The following FAM110B variants were observed in gnomAD, a reference collection of about 807,000 sequenced individuals.
FAM110B encodes protein FAM110B.
A neutral mutation model predicts 20.4 loss-of-function variants in FAM110B; 6 were observed. That is an observed-to-expected ratio of 0.29 (90% confidence interval 0.16 to 0.58). FAM110B has a LOEUF of 0.58. Among genes scored for constraint, FAM110B ranks in the 20% least tolerant of loss-of-function variants. The probability of loss-of-function intolerance (pLI) is 0.90; values close to 1 mark genes in which losing one functional copy is unlikely to be tolerated. For missense variants in FAM110B, 434 were observed against 498.2 expected, an observed-to-expected ratio of 0.87 and a Z score of 1.23; for synonymous variants, 226 against 214.1, an observed-to-expected ratio of 1.06 and a Z score of -0.49.
chr8:58,011,182 A>G (rs1470031337), intron 1 of FAM110B, among the ~76,000 whole-genome samples: 1 of 152,178 alleles, frequency 6.6e-6, no homozygotes, highest in African/African-American at 2.4e-5. Context: ...CTCAACTAAG[A>G]AAGACCCTAA....
At chr8:58,089,086 T>G (rs2150602191) in intron 3 of FAM110B, among the ~76,000 whole-genome samples, 1 of 152,330 alleles carries the variant, frequency 6.6e-6, no homozygotes, top group South Asian at 2.1e-4. Context: ...ATGAATGGTT[T>G]TATTTCACAT....
At chr8:58,093,347 T>G (rs1806535541) in intron 3 of FAM110B, among the ~76,000 whole-genome samples, 1 of 152,224 alleles carries the variant, frequency 6.6e-6, no homozygotes, top group Admixed American at 6.5e-5. Flanking sequence ...TAAATGGTGT[T>G]GCCTAGGTTT....
chr8:58,013,137 T>C (rs1452916644), intron 1 of FAM110B, among the ~76,000 whole-genome samples: 1 of 152,206 alleles, frequency 6.6e-6, no homozygotes, highest in Non-Finnish European at 1.5e-5. Context: ...CTGTGTGATG[T>C]CTCTAGAACT....
chr8:58,137,778 C>T (rs1803653709), intron 3 of FAM110B, among the ~76,000 whole-genome samples: 1 of 152,148 alleles, frequency 6.6e-6, no homozygotes, highest in Admixed American at 6.5e-5. Flanking sequence ...AAGCATTTGC[C>T]CCACTGAATT....
At chr8:58,029,243 G>T (rs10091875) in intron 1 of FAM110B, among the ~76,000 whole-genome samples, 23,746 of 152,180 alleles carry the variant, frequency 0.16, 2,294 homozygotes, top group African/African-American at 0.26. Context: ...CCTATGTTTT[G>T]CTTGAGAGAC....
intron 3 of FAM110B, among the ~76,000 whole-genome samples, chr8:58,109,187 G>A (rs148924399): frequency 6.6e-6 from 1 of 152,110 alleles, no homozygotes; most frequent in Non-Finnish European, 1.5e-5. Flanking sequence ...CCCATCCCAA[G>A]CATCCCCATA....
At chr8:58,123,209 T>C (rs1020695885) in intron 3 of FAM110B, among the ~76,000 whole-genome samples, 2 of 152,114 alleles carry the variant, frequency 1.3e-5, no homozygotes, top group African/African-American at 4.8e-5. Flanking sequence ...ACTGCCATAT[T>C]AGGGTGGGGT....
intron 1 of FAM110B, among the ~76,000 whole-genome samples, chr8:58,011,982 G>A (rs995100409): frequency 2.6e-5 from 4 of 152,184 alleles, no homozygotes; most frequent in Non-Finnish European, 5.9e-5. Flanking sequence ...TCCAGAGATG[G>A]CCACACGACA....
intron 1 of FAM110B, among the ~76,000 whole-genome samples, chr8:58,018,304 AG>A (rs1804678246): frequency 6.6e-6 from 1 of 152,154 alleles, no homozygotes; most frequent in Non-Finnish European, 1.5e-5. Context: ...TAGAACTCTC[AG>A]GTCTTTATAA....
At chr8:58,103,627 ATAGT>A (rs948385905) in intron 3 of FAM110B, among the ~76,000 whole-genome samples, 3 of 152,178 alleles carry the variant, frequency 2.0e-5, no homozygotes, top group African/African-American at 4.8e-5. Flanking sequence ...GTAAGGTATA[ATAGT>A]TAGTCCTAAT....
intron 3 of FAM110B, among the ~76,000 whole-genome samples, chr8:58,085,411 G>A (rs1806306764): frequency 6.6e-6 from 1 of 152,228 alleles, no homozygotes; most frequent in Non-Finnish European, 1.5e-5. Context: ...CACTCGGGAG[G>A]CTGAGGCAGG....
At chr8:58,126,739 T>C (rs1807516519) in intron 3 of FAM110B, among the ~76,000 whole-genome samples, 1 of 152,212 alleles carries the variant, frequency 6.6e-6, no homozygotes, top group Non-Finnish European at 1.5e-5. Flanking sequence ...CATTTTCCAA[T>C]TGGATTGTTT....
intron 2 of FAM110B, among the ~76,000 whole-genome samples, chr8:58,034,371 G>A (rs147082161): frequency 2.0e-5 from 3 of 152,174 alleles, no homozygotes; most frequent in African/African-American, 7.2e-5. Flanking sequence ...TGACTTATGG[G>A]TCGGAAGGTC....
intron 3 of FAM110B, among the ~76,000 whole-genome samples, chr8:58,111,558 A>G (rs1380850914): frequency 6.6e-6 from 1 of 152,208 alleles, no homozygotes; most frequent in African/African-American, 2.4e-5. Context: ...TATGTGTATT[A>G]TAGTAGCTAA....
intron 1 of FAM110B, among the ~76,000 whole-genome samples, chr8:58,010,144 GTA>G (rs1470112160): frequency 1.3e-5 from 2 of 151,652 alleles, no homozygotes; most frequent in Admixed American, 1.3e-4. Context: ...AGCCTCCCGA[GTA>G]GCTGGGATTA....
chr8:58,083,224 A>T (rs890571385), intron 3 of FAM110B, among the ~76,000 whole-genome samples: 1 of 152,166 alleles, frequency 6.6e-6, no homozygotes, highest in South Asian at 2.1e-4. Context: ...GGGGAGACAC[A>T]GTCTATTGCT....
chr8:58,099,811 A>G (rs1806733206), intron 3 of FAM110B, among the ~76,000 whole-genome samples: 1 of 152,012 alleles, frequency 6.6e-6, no homozygotes, highest in South Asian at 2.1e-4. Context: ...TGCATTTTCT[A>G]CTATGTGGCC....
At chr8:58,002,339 C>T (rs993037937) in intron 1 of FAM110B, among the ~76,000 whole-genome samples, 1 of 152,170 alleles carries the variant, frequency 6.6e-6, no homozygotes, top group African/African-American at 2.4e-5. Flanking sequence ...GTATACTTCC[C>T]AAGTTGGTTT....
At position 58,069,758 on chromosome 8, in the gene FAM110B, G is replaced by C. The variant is rs146513981; in HGVS notation, c.-413-5777G>C. ...CAAATTGTTAATTAGGGTAAATAAA[G>C]TAAGACTCAGATTTTATAGCACCAC... is the stretch of plus-strand genomic sequence containing the variant. On this transcript the variant is annotated intron_variant, in intron 2 of 3. Coordinates refer to ENST00000519262, the MANE Select transcript of FAM110B (RefSeq NM_001377989.1). Among the ~76,000 whole-genome samples, 240 of 152,268 alleles carry C rather than the reference G, an allele frequency of 1.6e-3. 1 individual carries two copies. The highest frequency in any genetic ancestry group is 5.6e-3 in the African/African-American group (233 of 41,542).
Sources: gnomAD v4.1 joint callset for allele counts (sites outside exome capture counted in the v4.1 genomes callset) on GRCh38, gnomAD v4.1.1 for gene constraint, MANE v1.5 for transcripts, NCBI Gene and HGNC (gene_info 2026-07-23, HGNC 2026-07-21) for gene names.